Variants in HAPLN2 observed in about 807,000 individuals in gnomAD.
HAPLN2 encodes the protein brain link protein-1.
HAPLN2 carries 27 observed loss-of-function variants against 29.3 expected under a neutral mutation model. The ratio of observed to expected loss-of-function variants is 0.92; its 90% CI spans 0.68 to 1.27. HAPLN2 has a LOEUF of 1.27. Ranked by LOEUF, HAPLN2 falls within the 50% of genes most tolerant of loss-of-function variation. HAPLN2 has a pLI of 0.00. For synonymous variants in HAPLN2, 208 were observed against 211.7 expected (o/e 0.98, Z 0.15); for missense variants, 454 against 484.3 (o/e 0.94, Z 0.59).
At chr1:156,617,650 CT>C (rs56771313), upstream of HAPLN2, among the ~76,000 whole-genome samples, 1,383 of 137,314 alleles carry the variant, frequency 0.01, 14 homozygotes, top group African/African-American at 0.031. Context: ...TGCCCAGCCT[CT>C]TTTTTTTTTT....
the HAPLN2 span, among the ~76,000 whole-genome samples, chr1:156,612,586 C>T: frequency 3.3e-5 from 5 of 152,232 alleles, no homozygotes; most frequent in South Asian, 2.1e-4. Context: ...GAAAGCTTCC[C>T]GGAGGAAGCA....
the HAPLN2 span, among the ~76,000 whole-genome samples, chr1:156,611,169 G>A: frequency 6.6e-6 from 1 of 151,596 alleles, no homozygotes. Context: ...TGTAATCCTA[G>A]CGACTCAGGA....
chr1:156,618,159 G>A (rs12077955), upstream of HAPLN2, among the ~76,000 whole-genome samples: 3,002 of 151,898 alleles, frequency 0.02, 118 homozygotes, highest in African/African-American at 0.069. Context: ...TTATCTTGGC[G>A]TGGTGGCGCA....
chr1:156,617,089 C>CG (rs1678074614), upstream of HAPLN2, among the ~76,000 whole-genome samples: 1 of 87,348 alleles, frequency 1.1e-5, no homozygotes, highest in Non-Finnish European at 2.9e-5. Flanking sequence ...GACCCTGTTT[C>CG]AAAAGAAAGA....
chr1:156,615,656 C>T (rs1169081716), upstream of HAPLN2, among the ~76,000 whole-genome samples: 7 of 151,368 alleles, frequency 4.6e-5, no homozygotes, highest in East Asian at 1.9e-4. Context: ...CTGCGACCTC[C>T]GCCTCCTGGG....
At chr1:156,614,469 G>A (rs964911260), upstream of HAPLN2, among the ~76,000 whole-genome samples, 6 of 152,286 alleles carry the variant, frequency 3.9e-5, no homozygotes, top group East Asian at 9.6e-4. Flanking sequence ...TGATTCACCC[G>A]CCTCAGCCTC....
upstream of HAPLN2, among the ~76,000 whole-genome samples, chr1:156,615,812 C>T (rs949923481): frequency 4.6e-5 from 7 of 151,906 alleles, no homozygotes; most frequent in African/African-American, 9.7e-5. Flanking sequence ...CCTTGTGATC[C>T]GCCCACCTCG....
In HAPLN2 at chr1:156,623,797, C is replaced by T. The variant is rs1468823723; in HGVS notation, c.86-10C>T. On this transcript the variant is annotated splice_polypyrimidine_tract_variant and intron_variant, in intron 3 of 6. Coordinates refer to ENST00000255039, the MANE Select transcript of HAPLN2 (RefSeq NM_021817.3). ...TGGGGGTTCCTGCCACTGTGGCCCC[C>T]TCTGCCCAGCATCCCACCCGGGCCC... 13 of 1,496,266 alleles carry T rather than the reference C, an allele frequency of 8.7e-6. No homozygotes were observed. Among genetic ancestry groups the T allele is most frequent in the Non-Finnish European group, 1.2e-5 (13 of 1,123,754 alleles). The allele number at this position is 1,496,266 out of a possible 1,614,324, so 92.7% of individuals were successfully genotyped here. A position where few individuals can be genotyped will look rare whatever the true frequency, so the allele number is the denominator to read the frequency against.
At chr1:156,606,967 C>T in the HAPLN2 span, among the ~76,000 whole-genome samples, 1 of 152,102 alleles carries the variant, frequency 6.6e-6, no homozygotes, top group Admixed American at 6.6e-5. Flanking sequence ...CTAACCCCCA[C>T]CCTGCACCTC....
chr1:156,612,212 CG>C, the HAPLN2 span, among the ~76,000 whole-genome samples: 1 of 152,084 alleles, frequency 6.6e-6, no homozygotes, highest in Admixed American at 6.6e-5. Context: ...TTAGTAGAGA[CG>C]GGGTTTCACC....
At chr1:156,622,184 T>C in intron 2 of HAPLN2, among the ~76,000 whole-genome samples, 1 of 151,750 alleles carries the variant, frequency 6.6e-6, no homozygotes, top group East Asian at 1.9e-4. Context: ...GTGTGGTGGC[T>C]CATGCTTGTA....
intron 2 of HAPLN2, among the ~76,000 whole-genome samples, chr1:156,622,222 G>A (rs568489003): frequency 6.6e-6 from 1 of 152,078 alleles, no homozygotes; most frequent in Admixed American, 6.6e-5. Context: ...GGCCAAGACA[G>A]ATTACTTGAG....
chr1:156,623,524 C>G lies in HAPLN2; in HGVS notation c.34C>G (p.Arg12Gly), dbSNP rs754721614. 2 of 1,614,164 alleles carry G rather than the reference C, an allele frequency of 1.2e-6. No individual in the cohort carries two copies. The highest frequency in any genetic ancestry group is 1.7e-5 in the Admixed American group (1 of 60,028). ...CTGGCTCACCCTCCCCACACTCTGC[C>G]GCTTCCTTCTTTGGGCCTTCACCAT... ...PGWLTLPTLC[R>G]FLLWAFTIFH... is the part of the protein sequence containing the mutation. Residue 12 changes from arginine to glycine, a missense_variant, in exon 3 of 7, where the codon CGC becomes GGC. Transcript: ENST00000255039.
rs775581245 is a variant in HAPLN2 at position 156,624,745 on chromosome 1, A to AG, written c.701_702insG (p.Asp234GlufsTer27). 2 of 1,549,276 alleles carry AG rather than the reference A, an allele frequency of 1.3e-6. No individual in the cohort carries two copies. The highest frequency in any genetic ancestry group is 1.7e-6 in the Non-Finnish European group (2 of 1,156,502). ...TACGGACCCCGCGACCGGATGCGCG[A>AG]CCGCTACGACGCCTTCTGCTTCACC... On this transcript the variant is annotated frameshift_variant, in exon 6 of 7. Coordinates refer to ENST00000255039, the MANE Select transcript of HAPLN2 (RefSeq NM_021817.3). LOFTEE classifies it low-confidence loss of function (END_TRUNC).
At chr1:156,615,222 A>G (rs1678027943), upstream of HAPLN2, 1 of 152,248 alleles carries the variant, frequency 6.6e-6, no homozygotes, top group Non-Finnish European at 1.5e-5. Context: ...CTCTACTAGA[A>G]GGTCTCCTAT....
Position 156,625,279 on chromosome 1 carries a change from G to C in HAPLN2, c.918G>C (p.Thr306=). The change falls in exon 7 of 7, where the codon ACG becomes ACC. Residue 306 remains threonine (T), a synonymous_variant. Transcript: ENST00000255039. This position sits in a 1 kb window ranked among gnomAD's most constrained non-coding sequence, Gnocchi z 5.7. ...ADGSVRFPIT[T]PRPRCGGLPD... Reference sequence around the variant, plus strand: ...GCAGTGTGCGCTTCCCAATCACCACGCCGAGGCCGCGCTGCGGGGGGCTCC... The same window carrying C: ...GCAGTGTGCGCTTCCCAATCACCACCCCGAGGCCGCGCTGCGGGGGGCTCC... The C allele has an allele frequency of 6.3e-7, 1 of 1,576,158 alleles. No homozygotes were observed. Among genetic ancestry groups the C allele is most frequent in the Non-Finnish European group, 8.6e-7 (1 of 1,161,974 alleles).
In HAPLN2 at chr1:156,625,243, G is replaced by A; in HGVS notation, c.882G>A (p.Trp294Ter). ...GGCTAGACCAGTGCGACGGCGGCTG[G>A]CTGGCTGACGGCAGTGTGCGCTTCC... Reference protein sequence around the residue: ...FSGLDQCDGGWLADGSVRFPI... With the variant: ...FSGLDQCDGG Residue 294 changes from tryptophan to a stop codon, truncating the protein, a stop_gained, in exon 7 of 7, where the codon TGG becomes TGA. Coordinates refer to ENST00000255039, the MANE Select transcript of HAPLN2 (RefSeq NM_021817.3). LOFTEE classifies it low-confidence loss of function (END_TRUNC). This position sits in a 1 kb window ranked among gnomAD's most constrained non-coding sequence, Gnocchi z 5.7. 1 of 1,573,426 alleles carries A rather than the reference G, an allele frequency of 6.4e-7. No homozygotes were observed.
At position 156,625,169 on chromosome 1, in the gene HAPLN2, G is replaced by A; in HGVS notation, c.808G>A (p.Ala270Thr). The change falls in exon 7 of 7, where the codon GCC becomes ACC. Residue 270 changes from alanine (A) to threonine (T), a missense_variant. Ala to Thr is a moderately conservative substitution (Grantham distance 58). Around this residue, in one of 3 missense-constraint regions of HAPLN2, gnomAD observed 235 missense variants for 236.9 expected, o/e 0.99. Transcript: ENST00000255039. This position sits in a 1 kb window ranked among gnomAD's most constrained non-coding sequence, Gnocchi z 5.7. ...CCACGCGGCGTGCCGGCGACGCGGC[G>A]CCGTGGTGGCCAAGGTTGGGCACCT... is the stretch of plus-strand genomic sequence containing the variant. ...EAHAACRRRG[A>T]VVAKVGHLYA... 6.5e-7 allele frequency: 1 copy of A among 1,545,596 alleles called. No individual in the cohort carries two copies. The highest frequency in any genetic ancestry group is 8.7e-7 in the Non-Finnish European group (1 of 1,147,104).
chr1:156,606,314 A>G, the HAPLN2 span, among the ~76,000 whole-genome samples: 1 of 150,998 alleles, frequency 6.6e-6, no homozygotes, highest in Non-Finnish European at 1.5e-5. Flanking sequence ...GTGGCGGCCC[A>G]CGCCCATAGT....
Sources: allele counts gnomAD v4.1 joint callset (sites outside exome capture counted in the v4.1 genomes callset), GRCh38; gene constraint gnomAD v4.1.1; regional missense constraint gnomAD v4.1.1; non-coding constraint Gnocchi (gnomAD v3.1); transcripts MANE v1.5; gene names NCBI Gene and HGNC (gene_info 2026-07-23, HGNC 2026-07-21).